DRC9: variants seen among roughly 807,000 people sequenced by gnomAD.
DRC9 encodes the protein dynein regulatory complex subunit 9, also known as dynein regulatory complex protein 9.
chr3:197,926,596 C>G, the DRC9 span, among the ~76,000 whole-genome samples: 1 of 152,134 alleles, frequency 6.6e-6, no homozygotes, highest in Admixed American at 6.5e-5. Context: ...CTACAGGGGG[C>G]GTAAGTCAGC....
chr3:197,920,555 C>T, the DRC9 span, among the ~76,000 whole-genome samples: 11 of 152,064 alleles, frequency 7.2e-5, no homozygotes, highest in Non-Finnish European at 1.2e-4. Flanking sequence ...GGCAAAACTC[C>T]GTCTCTACTA....
At chr3:197,918,148 G>A in the DRC9 span, among the ~76,000 whole-genome samples, 1 of 148,420 alleles carries the variant, frequency 6.7e-6, no homozygotes, top group Non-Finnish European at 1.5e-5. Context: ...AGGCTGGAGT[G>A]CAATGGTGCG....
the DRC9 span, among the ~76,000 whole-genome samples, chr3:197,936,560 CA>C: frequency 6.6e-6 from 1 of 152,118 alleles, no homozygotes; most frequent in Admixed American, 6.5e-5. Context: ...GATGAGATTT[CA>C]CTATGTTACC....
chr3:197,899,520 A>G, the DRC9 span, among the ~76,000 whole-genome samples: 1 of 152,150 alleles, frequency 6.6e-6, no homozygotes, highest in Non-Finnish European at 1.5e-5. Flanking sequence ...CCAGGAGTTT[A>G]AGACCAGCCT....
chr3:197,922,455 C>T, the DRC9 span, among the ~76,000 whole-genome samples: 3 of 152,116 alleles, frequency 2.0e-5, no homozygotes, highest in African/African-American at 7.2e-5. Context: ...TCTGTAATCT[C>T]AGCACTTTGG....
the DRC9 span, among the ~76,000 whole-genome samples, chr3:197,925,335 G>A: frequency 8.1e-6 from 1 of 123,766 alleles, no homozygotes; most frequent in African/African-American, 3.1e-5. Flanking sequence ...CATCTGTGGG[G>A]GAGGGTGGGG....
chr3:197,915,324 C>T, the DRC9 span, among the ~76,000 whole-genome samples: 7 of 150,614 alleles, frequency 4.6e-5, no homozygotes, highest in Non-Finnish European at 7.4e-5. Flanking sequence ...AAGAAAGCTC[C>T]GGAGGCTCTA....
the DRC9 span, among the ~76,000 whole-genome samples, chr3:197,894,114 T>C: frequency 6.6e-6 from 1 of 152,202 alleles, no homozygotes; most frequent in African/African-American, 2.4e-5. Context: ...GGCAGGATAG[T>C]CTAGTTGAAA....
chr3:197,903,313 C>T, the DRC9 span, among the ~76,000 whole-genome samples: 6 of 152,172 alleles, frequency 3.9e-5, no homozygotes, highest in Non-Finnish European at 7.3e-5. Context: ...GCACGAGCAA[C>T]CAAAGCAAAA....
the DRC9 span, among the ~76,000 whole-genome samples, chr3:197,918,842 CTT>C: frequency 2.0e-5 from 3 of 152,056 alleles, no homozygotes; most frequent in Non-Finnish European, 4.4e-5. Context: ...GAGTTTTGCT[CTT>C]GTCGTCCAGG....
chr3:197,913,392 A>C, the DRC9 span: 1 of 255,972 alleles, frequency 3.9e-6, no homozygotes, highest in Non-Finnish European at 7.5e-6. Context: ...CCCTCAAAGA[A>C]GATCTACCAC....
chr3:197,917,629 G>A, the DRC9 span, among the ~76,000 whole-genome samples: 1 of 151,868 alleles, frequency 6.6e-6, no homozygotes, highest in Non-Finnish European at 1.5e-5. Context: ...CTCAATAAAT[G>A]TTGATGAAAT....
chr3:197,908,698 G>A, the DRC9 span, among the ~76,000 whole-genome samples: 8 of 146,172 alleles, frequency 5.5e-5, no homozygotes, highest in Non-Finnish European at 1.1e-4. Context: ...TATCACAGGG[G>A]TGGTGACTGT....
chr3:197,936,591 G>A, the DRC9 span, among the ~76,000 whole-genome samples: 114 of 152,124 alleles, frequency 7.5e-4, no homozygotes, highest in Non-Finnish European at 1.0e-3. Flanking sequence ...TCAAACTCTT[G>A]GGCTCAAGCA....
At chr3:197,958,647 C>A in the DRC9 span, 1 of 152,186 alleles carries the variant, frequency 6.6e-6, no homozygotes, top group Non-Finnish European at 1.5e-5. Flanking sequence ...GGCATCTGAG[C>A]AAAGCGGGGG....
At chr3:197,921,613 CATCTT>C in the DRC9 span, among the ~76,000 whole-genome samples, 8 of 152,068 alleles carry the variant, frequency 5.3e-5, no homozygotes, top group African/African-American at 1.7e-4. Context: ...AACCTGGTTT[CATCTT>C]GGTCGACCCG....
chr3:197,942,645 T>C, the DRC9 span, among the ~76,000 whole-genome samples: 55,382 of 151,848 alleles, frequency 0.36, 15,280 homozygotes, highest in African/African-American at 0.79. Context: ...GGGCTGGGTG[T>C]GGTGGCTCAC....
the DRC9 span, among the ~76,000 whole-genome samples, chr3:197,909,337 G>A: frequency 6.6e-6 from 1 of 152,092 alleles, no homozygotes; most frequent in Non-Finnish European, 1.5e-5. Flanking sequence ...ATAATAAAAA[G>A]GATAATATAA....
the DRC9 span, among the ~76,000 whole-genome samples, chr3:197,917,502 A>G: frequency 6.6e-6 from 1 of 152,164 alleles, no homozygotes; most frequent in African/African-American, 2.4e-5. Flanking sequence ...ATATGTCTTA[A>G]TATTTCATAT....
Sources: allele counts gnomAD v4.1 joint callset (sites outside exome capture counted in the v4.1 genomes callset), GRCh38; gene constraint gnomAD v4.1.1; transcripts MANE v1.5; gene names NCBI Gene and HGNC (gene_info 2026-07-23, HGNC 2026-07-21).